The following GDAP1 variants were observed in gnomAD, a reference collection of about 807,000 sequenced individuals.
GDAP1 encodes the protein ganglioside-induced differentiation-associated protein 1.
A neutral mutation model predicts 40.1 loss-of-function variants in GDAP1; 34 were observed. The observed-to-expected ratio is 0.85, with a 90% CI of 0.64 to 1.13. The LOEUF (loss-of-function observed/expected upper bound fraction) is 1.13, where lower values mean the gene tolerates loss of function less well. Ranked by LOEUF, GDAP1 falls within the 50% of genes most tolerant of loss-of-function variation. GDAP1 has a pLI of 0.00. For synonymous variants in GDAP1, 170 were observed against 157.4 expected (o/e 1.08, Z -0.60); for missense variants, 374 against 433.7 (o/e 0.86, Z 1.22).
In GDAP1 at chr8:74,409,917, C is replaced by T. The variant is rs186723394; in HGVS notation, c.165+58596C>T. On this transcript the variant is annotated intron_variant, in intron 2 of 2. Transcript: ENST00000523640. ...GAAAGATGGACTTGAGACTGATCTC[C>T]CATCTCCTTGGCTGTGGCACCCAAT... 1.3e-5 allele frequency among the ~76,000 whole-genome samples: 2 copies of T among 149,976 alleles called. 1 individual carries two copies. Among genetic ancestry groups the T allele is most frequent in the Admixed American group, 1.3e-4 (2 of 15,264 alleles).
chr8:74,446,174 C>T (rs922456769), intron 2 of GDAP1, among the ~76,000 whole-genome samples: 5 of 152,182 alleles, frequency 3.3e-5, no homozygotes, highest in Admixed American at 1.3e-4. Context: ...GAGATTATTG[C>T]ACCACCAATA....
Position 74,364,794 on chromosome 8 carries a change from A to G in GDAP1, c.*427A>G. ...AATCACTGGGGATAGTGGGCTGGAG[A>G]GAACCCCAGGCTTTATATGTATACT... On this transcript the variant is annotated 3_prime_UTR_variant, in exon 6 of 6. Coordinates refer to ENST00000220822, the MANE Select transcript of GDAP1 (RefSeq NM_018972.4). 2.2e-6 allele frequency: 1 copy of G among 456,982 alleles called. No homozygotes were observed. The highest frequency in any genetic ancestry group is 4.4e-6 in the Non-Finnish European group (1 of 228,822). 28.3% of individuals were successfully genotyped at this position (456,982 alleles called of 1,614,324 possible). A position where few individuals can be genotyped will look rare whatever the true frequency, so the allele number is the denominator to read the frequency against.
At chr8:74,368,613 A>G (rs993993551), downstream of GDAP1, among the ~76,000 whole-genome samples, 1 of 152,224 alleles carries the variant, frequency 6.6e-6, no homozygotes, top group African/African-American at 2.4e-5. Context: ...TCAGAGGGCA[A>G]TTTACTAGAG....
chr8:74,449,918 G>A (rs1422056788), intron 2 of GDAP1, among the ~76,000 whole-genome samples: 2 of 151,520 alleles, frequency 1.3e-5, no homozygotes, highest in East Asian at 3.9e-4. Context: ...GTGATCATAT[G>A]GTTTTCTGCT....
At chr8:74,423,070 CTATA>C (rs1250346939) in intron 2 of GDAP1, among the ~76,000 whole-genome samples, 7 of 146,436 alleles carry the variant, frequency 4.8e-5, no homozygotes, top group Non-Finnish European at 9.0e-5. Flanking sequence ...ATTATATATA[CTATA>C]TATATTATAA....
chr8:74,429,255 G>C (rs1291347189), intron 2 of GDAP1, among the ~76,000 whole-genome samples: 2 of 151,906 alleles, frequency 1.3e-5, no homozygotes, highest in Non-Finnish European at 2.9e-5. Context: ...GGATCAAATG[G>C]TATTTCTAGT....
intron 2 of GDAP1, among the ~76,000 whole-genome samples, chr8:74,393,923 C>T (rs889464975): frequency 2.0e-5 from 3 of 152,110 alleles, no homozygotes; most frequent in Non-Finnish European, 2.9e-5. Context: ...CTATTTTCCC[C>T]TGTTTTATAC....
At chr8:74,472,834 G>C (rs1005441257) in intron 2 of GDAP1, among the ~76,000 whole-genome samples, 1 of 151,578 alleles carries the variant, frequency 6.6e-6, no homozygotes, top group African/African-American at 2.4e-5. Flanking sequence ...TGTAACTTCT[G>C]CCTCCCAAAC....
intron 2 of GDAP1, among the ~76,000 whole-genome samples, chr8:74,415,350 T>C (rs1302407546): frequency 1.3e-5 from 2 of 150,234 alleles, no homozygotes; most frequent in African/African-American, 5.1e-5. Context: ...AGCATGAAAC[T>C]GGCAGATTGG....
intron 2 of GDAP1, among the ~76,000 whole-genome samples, chr8:74,403,080 TGCCC>T: frequency 6.7e-6 from 1 of 150,310 alleles, no homozygotes; most frequent in Non-Finnish European, 1.5e-5. Flanking sequence ...ACGATAATAG[TGCCC>T]AAACAATCTG....
intron 2 of GDAP1, among the ~76,000 whole-genome samples, chr8:74,424,376 CT>C (rs2131561361): frequency 6.6e-6 from 1 of 152,232 alleles, no homozygotes; most frequent in East Asian, 1.9e-4. Context: ...ACACAAATCA[CT>C]TTCCTGAGTT....
chr8:74,351,543 C>G, intron 2 of GDAP1, 77 bp downstream of exon 2: 6 of 1,038,420 alleles, frequency 5.8e-6, no homozygotes, highest in Non-Finnish European at 9.1e-6. Context: ...TTTTCTCTCT[C>G]TCCTCTCTCT....
At chr8:74,396,291 A>G (rs1157899739) in intron 2 of GDAP1, among the ~76,000 whole-genome samples, 1 of 151,860 alleles carries the variant, frequency 6.6e-6, no homozygotes, top group Non-Finnish European at 1.5e-5. Flanking sequence ...ATATTATTTT[A>G]TAAAAATAAA....
chr8:74,481,922 T>A (rs796678822), intron 2 of GDAP1, among the ~76,000 whole-genome samples: 8 of 152,104 alleles, frequency 5.3e-5, no homozygotes, highest in African/African-American at 1.9e-4. Flanking sequence ...GACAAAGGAA[T>A]AAAACAATGG....
chr8:74,388,456 G>T (rs1326953254), intron 2 of GDAP1, among the ~76,000 whole-genome samples: 1 of 152,184 alleles, frequency 6.6e-6, no homozygotes, highest in Non-Finnish European at 1.5e-5. Flanking sequence ...CCATTCAGGA[G>T]AAGGTTGTTC....
intron 2 of GDAP1, among the ~76,000 whole-genome samples, chr8:74,440,778 T>G (rs1476422138): frequency 1.3e-5 from 2 of 152,262 alleles, no homozygotes; most frequent in African/African-American, 4.8e-5. Flanking sequence ...AAACAGCATC[T>G]CTGTCTCTAG....
At chr8:74,351,748 T>C (rs764272175) in intron 2 of GDAP1, among the ~76,000 whole-genome samples, 3 of 152,190 alleles carry the variant, frequency 2.0e-5, no homozygotes, top group Non-Finnish European at 4.4e-5. Context: ...AATGTGTGGT[T>C]TGTGTTGGTG....
intron 2 of GDAP1, among the ~76,000 whole-genome samples, chr8:74,458,270 A>T (rs578237832): frequency 2.6e-5 from 4 of 151,828 alleles, no homozygotes; most frequent in Non-Finnish European, 5.9e-5. Context: ...AATATATATA[A>T]ATTAATATAA....
At chr8:74,401,675 C>G (rs1055300138) in intron 2 of GDAP1, among the ~76,000 whole-genome samples, 3 of 149,718 alleles carry the variant, frequency 2.0e-5, no homozygotes, top group Admixed American at 1.3e-4. Context: ...TTTTCCCCAT[C>G]TTTGTGGTTT....
Sources: allele counts gnomAD v4.1 joint callset (sites outside exome capture counted in the v4.1 genomes callset), GRCh38; gene constraint gnomAD v4.1.1; transcripts MANE v1.5; gene names NCBI Gene and HGNC (gene_info 2026-07-23, HGNC 2026-07-21).